The following DPYSL4 variants were observed in gnomAD, a reference collection of about 807,000 sequenced individuals.
DPYSL4 encodes dihydropyrimidinase like 4.
Under a neutral mutation model 63.4 loss-of-function variants are expected in DPYSL4, and 43 were observed. The ratio of observed to expected loss-of-function variants is 0.68; its 90% CI spans 0.53 to 0.88. The LOEUF (loss-of-function observed/expected upper bound fraction) is 0.88, where lower values mean the gene tolerates loss of function less well. DPYSL4 is among the 40% of genes least tolerant of loss of function. The pLI is 0.00. For missense variants in DPYSL4, 733 were observed against 819.5 expected, an observed-to-expected ratio of 0.89 and a Z score of 1.29; for synonymous variants, 353 against 331.7, an observed-to-expected ratio of 1.06 and a Z score of -0.70.
chr10:132,187,249 C>G (rs1301356896), intron 1 of DPYSL4, 147 bp downstream of exon 1: 4 of 541,398 alleles, frequency 7.4e-6, no homozygotes, highest in African/African-American at 4.1e-5. Flanking sequence ...CCCTTCCCTG[C>G]TCGGCTCCTT....
intron 10 of DPYSL4, 92 bp from the exon 11 acceptor site, chr10:132,201,854 C>G: frequency 1.4e-6 from 2 of 1,381,810 alleles, no homozygotes; most frequent in Non-Finnish European, 2.0e-6. Context: ...GGCATCCATC[C>G]TTGTGGGGTC....
At chr10:132,201,698 T>C (rs1178712929) in intron 10 of DPYSL4, among the ~76,000 whole-genome samples, 1 of 152,206 alleles carries the variant, frequency 6.6e-6, no homozygotes, top group Non-Finnish European at 1.5e-5. Context: ...GGCACTCTAG[T>C]GCCCGTCTTC....
Position 132,194,826 on chromosome 10 carries a change from G to T in DPYSL4, c.314-19G>T. ...CCAGGGACCAGTGGGGGAAGCTGCT[G>T]ACCATGCTGCCTTCACAGTGGACCA... is the stretch of plus-strand genomic sequence containing the variant. On this transcript the variant is annotated intron_variant, in intron 3 of 13. Transcript: ENST00000338492. 1.2e-6 allele frequency: 2 copies of T among 1,608,574 alleles called. No individual in the cohort carries two copies. Among genetic ancestry groups the T allele is most frequent in the South Asian group, 2.2e-5 (2 of 90,722 alleles).
chr10:132,187,780 A>T (rs1279313129), intron 1 of DPYSL4, among the ~76,000 whole-genome samples: 1 of 151,798 alleles, frequency 6.6e-6, no homozygotes, highest in Admixed American at 6.5e-5. Context: ...GAGAGCAGAG[A>T]CCCCTCCCCA....
At chr10:132,198,380 G>T in intron 6 of DPYSL4, 35 bp from the exon 7 acceptor site, 1 of 1,586,304 alleles carries the variant, frequency 6.3e-7, no homozygotes. Context: ...GCTCCCTTCA[G>T]GGCTTGGAGC....
At chr10:132,202,971 G>A in intron 12 of DPYSL4, 146 bp downstream of exon 12, 1 of 979,480 alleles carries the variant, frequency 1.0e-6, no homozygotes, top group South Asian at 1.8e-5. Flanking sequence ...GGGCCCTGGT[G>A]GGTCTAAGTG....
At chr10:132,199,087 T>C in intron 8 of DPYSL4, 116 bp downstream of exon 8, 4 of 1,413,696 alleles carry the variant, frequency 2.8e-6, no homozygotes, top group Non-Finnish European at 1.9e-6. Flanking sequence ...CACTGGACCC[T>C]GAGTCCCTGC....
In DPYSL4 at chr10:132,187,081, G is replaced by A; in HGVS notation, c.18G>A (p.Lys6=). The A allele has an allele frequency of 7.4e-7, 1 of 1,353,786 alleles. No individual in the cohort carries two copies. The highest frequency in any genetic ancestry group is 9.8e-7 in the Non-Finnish European group (1 of 1,020,376). The allele number at this position is 1,353,786 out of a possible 1,614,324, so 83.9% of individuals were successfully genotyped here. A position where few individuals can be genotyped will look rare whatever the true frequency, so the allele number is the denominator to read the frequency against. ...GGAGCAGGATGTCCTTCCAGGGCAA[G>A]AAAAGCATCCCCCGGATCACGGTGA... MSFQG[K]KSIPRITSDR... The change falls in exon 1 of 14, where the codon AAG becomes AAA. Residue 6 remains lysine, a synonymous_variant. Coordinates refer to ENST00000338492, the MANE Select transcript of DPYSL4 (RefSeq NM_006426.3).
In DPYSL4 at chr10:132,202,357, C is replaced by T. The variant is rs1244030016; in HGVS notation, c.1281+241C>T. Among the ~76,000 whole-genome samples the T allele has an allele frequency of 3.3e-5, 5 of 152,238 alleles. No homozygotes were observed. In the East Asian group the frequency reaches 5.8e-4, roughly 18 times the overall value. On this transcript the variant is annotated intron_variant, in intron 11 of 13. Transcript: ENST00000338492. ...TGCCATGGAGGAGGCTGGGGCAGAG[C>T]GGTGCCGTGTGCACCTGCCTAGCCA...
chr10:132,190,286 T>C (rs2061856211), intron 1 of DPYSL4, among the ~76,000 whole-genome samples: 1 of 152,244 alleles, frequency 6.6e-6, no homozygotes, highest in African/African-American at 2.4e-5. Flanking sequence ...CACTGGTCTG[T>C]AGTGTTTGGG....
chr10:132,193,717 T>C (rs1166601090), intron 3 of DPYSL4, among the ~76,000 whole-genome samples: 1 of 152,264 alleles, frequency 6.6e-6, no homozygotes, highest in African/African-American at 2.4e-5. Flanking sequence ...AGTCACACTT[T>C]GTTGATCTGT....
In DPYSL4 at chr10:132,186,999, CCG is replaced by C; in HGVS notation, c.-63_-62del. On this transcript the variant is annotated 5_prime_UTR_variant, in exon 1 of 14. Transcript: ENST00000338492. Reference sequence around the variant, plus strand: ...CACGCGTCCCGGCTCACGCGTCCCCCCGCCCGCCCGCCCGCCCGCCCGCCCCC... The same window carrying C: ...CACGCGTCCCGGCTCACGCGTCCCCCCCCGCCCGCCCGCCCGCCCGCCCCC... The C allele has an allele frequency of 3.5e-4, 3 of 8,512 alleles. No homozygotes were observed. The highest frequency in any genetic ancestry group is 4.5e-4 in the Non-Finnish European group (2 of 4,492). The allele number at this position is 8,512 out of a possible 1,614,324, so 0.5% of individuals were successfully genotyped here. A position where few individuals can be genotyped will look rare whatever the true frequency, so the allele number is the denominator to read the frequency against.
At chr10:132,193,226 G>C (rs879323302) in intron 3 of DPYSL4, among the ~76,000 whole-genome samples, 1 of 152,218 alleles carries the variant, frequency 6.6e-6, no homozygotes, top group Non-Finnish European at 1.5e-5. Context: ...TGCCTCGGAA[G>C]CTTCATATCT....
Position 132,191,825 on chromosome 10 carries a change from G to T in DPYSL4, c.129-833G>T, listed in dbSNP as rs112728426. On this transcript the variant is annotated intron_variant, in intron 2 of 13. Transcript: ENST00000338492. ...GCTCGTGTGTACACACTGGTCACGT[G>T]GTATCCAGGCAGTTGAAAGTATGTT... Among the ~76,000 whole-genome samples, 128 of 113,814 alleles carry T rather than the reference G, an allele frequency of 1.1e-3. 11 individuals carry two copies. The highest frequency in any genetic ancestry group is 4.0e-3 in the African/African-American group (125 of 31,070). The allele number at this position is 113,814 out of a possible 152,430, so 74.7% of individuals were successfully genotyped here.
chr10:132,202,259 C>A, intron 11 of DPYSL4, 143 bp downstream of exon 11: 3 of 1,107,150 alleles, frequency 2.7e-6, no homozygotes, highest in Non-Finnish European at 3.8e-6. Context: ...CACAGCCTGT[C>A]CCAGGCCAGA....
chr10:132,188,015 C>A (rs1410489602), intron 1 of DPYSL4, among the ~76,000 whole-genome samples: 1 of 152,092 alleles, frequency 6.6e-6, no homozygotes, highest in Non-Finnish European at 1.5e-5. Flanking sequence ...GGGCTCCACT[C>A]CCCCAGACTC....
rs542795199 is a variant in DPYSL4, at chr10:132,203,401, CAG to C, written c.1462-360_1462-359del. 7.2e-5 allele frequency among the ~76,000 whole-genome samples: 11 copies of C among 152,356 alleles called. No individual in the cohort carries two copies. In the South Asian group the frequency reaches 2.3e-3, roughly 32 times the overall value. ...GACCACCAGGTGCTTCACACACGCA[CAG>C]GGGCACTCGCAGTGGCGTCTGTGCA... On this transcript the variant is annotated intron_variant, in intron 12 of 13. Transcript: ENST00000338492.
chr10:132,188,901 C>T (rs1464277943), intron 1 of DPYSL4, among the ~76,000 whole-genome samples: 1 of 152,192 alleles, frequency 6.6e-6, no homozygotes, highest in Admixed American at 6.5e-5. Flanking sequence ...TTGGGTCTGG[C>T]CTGTGGCATA....
intron 7 of DPYSL4, 102 bp from the exon 8 acceptor site, chr10:132,198,749 A>G: frequency 1.3e-6 from 2 of 1,529,916 alleles, no homozygotes; most frequent in Non-Finnish European, 1.8e-6. Context: ...GGCTGCCCTG[A>G]GCCTGGGATC....
Sources: gnomAD v4.1 joint callset for allele counts (sites outside exome capture counted in the v4.1 genomes callset) on GRCh38, gnomAD v4.1.1 for gene constraint, MANE v1.5 for transcripts, NCBI Gene and HGNC (gene_info 2026-07-23, HGNC 2026-07-21) for gene names.